DNAAF5: variants seen among roughly 807,000 people sequenced by gnomAD.
DNAAF5 encodes dynein axonemal assembly factor 5, also known as HEAT repeat containing 2.
Under a neutral mutation model 75.8 loss-of-function variants are expected in DNAAF5, and 64 were observed. That is an observed-to-expected ratio of 0.84 (90% CI 0.69 to 1.04). The LOEUF (loss-of-function observed/expected upper bound fraction) is 1.04. Among genes scored for constraint, DNAAF5 ranks in the 50% least tolerant of loss-of-function variants. The pLI is 0.00. For missense variants in DNAAF5, 1,269 were observed against 1,178.5 expected (o/e 1.08, Z -1.12); for synonymous variants, 657 against 557.2 (o/e 1.18, Z -2.52).
chr7:753,845 C>T (rs1204952896), intron 4 of DNAAF5, among the ~76,000 whole-genome samples: 23 of 139,416 alleles, frequency 1.6e-4, no homozygotes, highest in African/African-American at 5.8e-4. Flanking sequence ...GCTTCGCAGG[C>T]GTGTCTCTCT....
rs767460655 is a variant in DNAAF5 at position 761,752 on chromosome 7, G to A, written c.1471-1G>A. The A allele has an allele frequency of 6.2e-7, 1 of 1,601,106 alleles. No homozygotes were observed. Among genetic ancestry groups the A allele is most frequent in the Admixed American group, 1.7e-5 (1 of 58,456 alleles). On this transcript the variant is annotated splice_acceptor_variant, in intron 6 of 12. Coordinates refer to ENST00000297440, the MANE Select transcript of DNAAF5 (RefSeq NM_017802.4). LOFTEE classifies it high-confidence loss of function. ...CTGACGGTGCTGCCGGTCTCTTCCAGGACCTCTACCTGGAGCGCCTGCTGC... is the reference window on the plus strand; with the variant it reads ...CTGACGGTGCTGCCGGTCTCTTCCAAGACCTCTACCTGGAGCGCCTGCTGC...
chr7:757,099 G>A (rs2128079026), intron 6 of DNAAF5, 105 bp downstream of exon 6: 3 of 1,167,676 alleles, frequency 2.6e-6, no homozygotes, highest in Non-Finnish European at 3.6e-6. Flanking sequence ...CCGCCAGGCT[G>A]GGCTGTCGGA....
At position 756,916 on chromosome 7, in the gene DNAAF5, C is replaced by G; in HGVS notation, c.1392C>G (p.Pro464=). The G allele has an allele frequency of 6.2e-7, 1 of 1,610,972 alleles. No homozygotes were observed. Among genetic ancestry groups the G allele is most frequent in the East Asian group, 2.2e-5 (1 of 44,876 alleles). ...LVLASAMRGC[P]REALQPHLAA... ...TGGCCTCCGCCATGCGGGGTTGCCC[C>G]CGAGAAGCCCTCCAGCCGCACCTGG... The change falls in exon 6 of 13, where the codon CCC becomes CCG. Residue 464 remains proline, a synonymous_variant. Transcript: ENST00000297440.
Position 726,748 on chromosome 7 carries a change from G to A in DNAAF5, c.28G>A (p.Val10Met), listed in dbSNP as rs577934097. Residue 10 changes from valine (V) to methionine (M), a missense_variant, in exon 1 of 13, where the codon GTG becomes ATG. Physicochemically the swap from Val to Met is conservative, Grantham distance 21 (BLOSUM62 1). Transcript: ENST00000297440. ...GGCGGCGCTGGGGGTGGCGGAGGCCGTGGCGGCCCCACACCCGGCTGAGGG... is the reference window on the plus strand; with the variant it reads ...GGCGGCGCTGGGGGTGGCGGAGGCCATGGCGGCCCCACACCCGGCTGAGGG... MAALGVAEA[V>M]AAPHPAEGAE... is the part of the protein sequence containing the mutation. 29 of 1,245,996 alleles carry A rather than the reference G, an allele frequency of 2.3e-5. No individual in the cohort carries two copies. In the East Asian group the frequency reaches 8.2e-4, roughly 35 times the overall value. 77.2% of individuals were successfully genotyped at this position (1,245,996 alleles called of 1,614,324 possible). A position where few individuals can be genotyped will look rare whatever the true frequency, so the allele number is the denominator to read the frequency against.
intron 9 of DNAAF5, 199 bp downstream of exon 9, chr7:770,817 G>C: frequency 1.9e-6 from 1 of 531,752 alleles, no homozygotes; most frequent in Non-Finnish European, 3.3e-6. Flanking sequence ...CCCCCACGCC[G>C]AGTCTAAGGT....
chr7:760,901 A>T (rs1782623458), intron 6 of DNAAF5, among the ~76,000 whole-genome samples: 1 of 152,242 alleles, frequency 6.6e-6, no homozygotes, highest in African/African-American at 2.4e-5. Context: ...TTGGTGTTAT[A>T]GAAAAGCTCA....
intron 10 of DNAAF5, among the ~76,000 whole-genome samples, chr7:774,747 G>A (rs1423073867): frequency 2.0e-5 from 3 of 152,182 alleles, no homozygotes; most frequent in Admixed American, 6.5e-5. Context: ...CGTCCTTGGG[G>A]CCCAGGCGAG....
chr7:770,642 AC>A (rs1562396787), intron 9 of DNAAF5, 24 bp downstream of exon 9: 1 of 1,608,038 alleles, frequency 6.2e-7, no homozygotes, highest in African/African-American at 1.3e-5. Context: ...CTGCCTCTGC[AC>A]GGCCCCCAGC....
intron 8 of DNAAF5, among the ~76,000 whole-genome samples, chr7:765,013 CA>C (rs1453468289): frequency 6.6e-6 from 1 of 152,160 alleles, no homozygotes; most frequent in Non-Finnish European, 1.5e-5. Flanking sequence ...CCCAGCTACT[CA>C]GGAAGCTGAA....
At chr7:733,583 G>A (rs866687087) in intron 2 of DNAAF5, among the ~76,000 whole-genome samples, 3 of 152,056 alleles carry the variant, frequency 2.0e-5, no homozygotes, top group African/African-American at 7.2e-5. Flanking sequence ...TGCAAGCTCC[G>A]CCTCCCAGGT....
rs1027473906 is a variant in DNAAF5, at chr7:770,376, C to G, written c.1784-95C>G. 1.1e-5 allele frequency: 13 copies of G among 1,196,900 alleles called. No homozygotes were observed. The East Asian group carries it at 3.0e-4, about 27-fold the overall frequency. 74.1% of individuals were successfully genotyped at this position (1,196,900 alleles called of 1,614,324 possible). A position where few individuals can be genotyped will look rare whatever the true frequency, so the allele number is the denominator to read the frequency against. On this transcript the variant is annotated intron_variant, in intron 8 of 12. Transcript: ENST00000297440. ...GAGGTGGTGGCCGATAGTGCCCTCT[C>G]CCAGGTGGGAGCGCCTGAGCCTGGG...
Position 752,065 on chromosome 7 carries a change from G to T in DNAAF5, c.1025-2524G>T, listed in dbSNP as rs1286590586. ...AAAACCACAGTCATGGGGCCACGTG[G>T]TGTTGGCTTTCAGACCGATGAGCAG... On this transcript the variant is annotated intron_variant, in intron 4 of 12. Transcript: ENST00000297440. Among the ~76,000 whole-genome samples, 5 of 152,312 alleles carry T rather than the reference G, an allele frequency of 3.3e-5. No homozygotes were observed. In the East Asian group the frequency reaches 9.7e-4, roughly 29 times the overall value.
chr7:776,005 A>G (rs1778749544), intron 11 of DNAAF5, among the ~76,000 whole-genome samples: 1 of 152,152 alleles, frequency 6.6e-6, no homozygotes, highest in South Asian at 2.1e-4. Flanking sequence ...CCAAGGGACG[A>G]CTGTATTTAA....
chr7:758,528 C>G (rs1191663741), intron 6 of DNAAF5, among the ~76,000 whole-genome samples: 1 of 152,206 alleles, frequency 6.6e-6, no homozygotes, highest in Non-Finnish European at 1.5e-5. Flanking sequence ...GCCCTTTGGC[C>G]AAGGAGCCAG....
intron 2 of DNAAF5, among the ~76,000 whole-genome samples, chr7:736,014 C>T (rs1781731100): frequency 1.3e-5 from 2 of 152,154 alleles, no homozygotes; most frequent in African/African-American, 4.8e-5. Context: ...TCTTCATTGA[C>T]CCACCGGTCA....
chr7:751,343 A>C (rs201944076), intron 4 of DNAAF5, among the ~76,000 whole-genome samples: 7 of 152,044 alleles, frequency 4.6e-5, no homozygotes, highest in Non-Finnish European at 1.0e-4. Context: ...TTATTAAAAC[A>C]TACCCTTTAG....
Position 774,203 on chromosome 7 carries a change from G to T in DNAAF5, c.2082+5G>T, listed in dbSNP as rs1027651909. ...GAGGTCCTGTCGGCAGAGCAGGTAC[G>T]GGGCTCCCTGCGTGCTCGGTGGACA... On this transcript the variant is annotated splice_donor_5th_base_variant and intron_variant, in intron 10 of 12. Transcript: ENST00000297440. 5.0e-6 allele frequency: 8 copies of T among 1,600,310 alleles called. No individual in the cohort carries two copies. The highest frequency in any genetic ancestry group is 6.8e-6 in the Non-Finnish European group (8 of 1,176,904).
intron 8 of DNAAF5, chr7:769,150 G>A: frequency 1.3e-6 from 1 of 772,664 alleles, no homozygotes. Flanking sequence ...CTGCTCTGAT[G>A]ACTGGCGGCG....
rs531445890 is a variant in DNAAF5 at position 728,873 on chromosome 7, C to T, written c.596-790C>T. On this transcript the variant is annotated intron_variant, in intron 1 of 12. Coordinates refer to ENST00000297440, the MANE Select transcript of DNAAF5 (RefSeq NM_017802.4). The stretch of plus-strand genomic sequence containing the variant: ...CTCTGGTCTCGGTCACACTGGGCAA[C>T]GGCAGAGAGGTTGAGGCGCTCACCC... Among the ~76,000 whole-genome samples the T allele has an allele frequency of 7.2e-5, 11 of 152,266 alleles. No homozygotes were observed. The East Asian group carries it at 7.7e-4, about 11-fold the overall frequency.
Sources: allele counts gnomAD v4.1 joint callset (sites outside exome capture counted in the v4.1 genomes callset), GRCh38; gene constraint gnomAD v4.1.1; transcripts MANE v1.5; gene names NCBI Gene and HGNC (gene_info 2026-07-23, HGNC 2026-07-21).